POLD1: variants seen among roughly 807,000 people sequenced by gnomAD.
The protein encoded by POLD1 is DNA polymerase delta 1, catalytic subunit, also known as DNA polymerase delta catalytic subunit.
POLD1 carries 79 observed loss-of-function variants against 129.7 expected under a neutral mutation model. The observed-to-expected ratio is 0.61, with a 90% CI of 0.51 to 0.73. The LOEUF (loss-of-function observed/expected upper bound fraction) is 0.73. Ranked by LOEUF, POLD1 falls within the 30% of genes least tolerant of loss-of-function variation. The pLI is 0.00. For missense variants in POLD1, 1,338 were observed against 1,595.8 expected, an observed-to-expected ratio of 0.84 and a Z score of 2.75; for synonymous variants, 714 against 683.3, an observed-to-expected ratio of 1.04 and a Z score of -0.70.
At chr19:50,413,630 C>G (rs568695919) in intron 18 of POLD1, 109 bp downstream of exon 18, 5 of 1,531,364 alleles carry the variant, frequency 3.3e-6, no homozygotes, top group African/African-American at 2.7e-5. Flanking sequence ...CCTGCCCACT[C>G]TCCTGTTGCA....
chr19:50,388,488 C>A (rs545227689), intron 1 of POLD1, among the ~76,000 whole-genome samples: 2 of 151,616 alleles, frequency 1.3e-5, no homozygotes, highest in African/African-American at 4.9e-5. Flanking sequence ...CCCTGCATTA[C>A]AATAAAAAAG....
At chr19:50,413,617 C>T (rs1026022026) in intron 18 of POLD1, 96 bp downstream of exon 18, 25 of 1,524,460 alleles carry the variant, frequency 1.6e-5, no homozygotes, top group African/African-American at 2.7e-5. Flanking sequence ...CTCCTGGTCA[C>T]ACCCTGCCCA....
Position 50,391,616 on chromosome 19 carries a change from A to G in POLD1, c.-2+7226A>G, listed in dbSNP as rs1403516295. On this transcript the variant is annotated intron_variant, in intron 1 of 26. Transcript: ENST00000440232. ...GCAGGCTGAGGCAGGAGAATCAGGC[A>G]GGGAGGTTGCCGTGAGCCGAGATGG... Among the ~76,000 whole-genome samples, 3 of 136,872 alleles carry G rather than the reference A, an allele frequency of 2.2e-5. No individual in the cohort carries two copies. The South Asian group carries it at 7.3e-4, about 33-fold the overall frequency. 89.8% of individuals were successfully genotyped at this position (136,872 alleles called of 152,430 possible). A position where few individuals can be genotyped will look rare whatever the true frequency, so the allele number is the denominator to read the frequency against.
At chr19:50,408,177 A>C (rs1416203620) in intron 14 of POLD1, among the ~76,000 whole-genome samples, 1 of 151,668 alleles carries the variant, frequency 6.6e-6, no homozygotes, top group Non-Finnish European at 1.5e-5. Flanking sequence ...TCTACTAAAA[A>C]TACAGAAATT....
intron 26 of POLD1, 70 bp downstream of exon 26, chr19:50,417,339 C>A: frequency 2.0e-6 from 2 of 1,016,612 alleles, no homozygotes; most frequent in Non-Finnish European, 2.9e-6. Flanking sequence ...GTTGTGGACC[C>A]AACCTCTGAC....
At chr19:50,388,076 C>A (rs1448442356) in intron 1 of POLD1, among the ~76,000 whole-genome samples, 2 of 152,222 alleles carry the variant, frequency 1.3e-5, no homozygotes, top group Non-Finnish European at 2.9e-5. Flanking sequence ...ACACAAGAGG[C>A]TGCATATTCC....
intron 1 of POLD1, among the ~76,000 whole-genome samples, chr19:50,394,377 C>T (rs915147183): frequency 7.9e-5 from 12 of 152,104 alleles, no homozygotes; most frequent in African/African-American, 2.7e-4. Flanking sequence ...CAAAGCCGGG[C>T]GCGGTGGCTC....
At chr19:50,404,383 C>T (rs1047425373) in intron 10 of POLD1, among the ~76,000 whole-genome samples, 1 of 149,146 alleles carries the variant, frequency 6.7e-6, no homozygotes, top group Non-Finnish European at 1.5e-5. Context: ...CTGCCTCAGC[C>T]TCCCAAGTAG....
Position 50,398,906 on chromosome 19 carries a change from C to G in POLD1, c.55C>G (p.Arg19Gly). 3 of 1,600,818 alleles carry G rather than the reference C, an allele frequency of 1.9e-6. No homozygotes were observed. The highest frequency in any genetic ancestry group is 2.6e-6 in the Non-Finnish European group (3 of 1,175,122). Reference sequence around the variant, plus strand: ...GCCCGGGGTGCCCCCAAAGCGGGCCCGTGGGGGCCTCTGGGATGATGATGA... The same window carrying G: ...GCCCGGGGTGCCCCCAAAGCGGGCCGGTGGGGGCCTCTGGGATGATGATGA... ...PGPGVPPKRA[R>G]GGLWDDDDAP... Residue 19 changes from arginine (R) to glycine (G), a missense_variant, in exon 2 of 27, where the codon CGT becomes GGT. Around this residue, in one of 3 missense-constraint regions of POLD1, gnomAD observed 332 missense variants for 315.7 expected, o/e 1.05. Coordinates refer to ENST00000440232, the MANE Select transcript of POLD1 (RefSeq NM_002691.4).
Position 50,406,240 on chromosome 19 carries a change from C to T in POLD1, c.1301C>T (p.Ser434Phe), listed in dbSNP as rs1060501845. Residue 434 changes from serine to phenylalanine, a missense_variant, in exon 11 of 27, where the codon TCT (serine) becomes TTT (phenylalanine). Physicochemically the swap from Ser to Phe is radical, Grantham distance 155 (BLOSUM62 -2). This residue lies in a region of POLD1 where 720 missense variants were observed against 1,002.6 expected (regional missense o/e 0.72). Transcript: ENST00000440232. This position sits in a 1 kb window ranked among gnomAD's most constrained non-coding sequence, Gnocchi z 5.5. ...GGCCTTTGCTCCAACATCCGGGACT[C>T]TTCATTCCAGTCCAAGCAGACGGGC... is the stretch of plus-strand genomic sequence containing the variant. ...VAGLCSNIRDSSFQSKQTGRR... is the reference protein window; with the variant it reads ...VAGLCSNIRDFSFQSKQTGRR... The T allele has an allele frequency of 6.2e-7, 1 of 1,614,030 alleles. No homozygotes were observed.
intron 1 of POLD1, among the ~76,000 whole-genome samples, chr19:50,391,683 T>C (rs192979538): frequency 0.08 from 6,842 of 85,220 alleles, 585 homozygotes; most frequent in African/African-American, 0.25. Flanking sequence ...AGAGGGAGAC[T>C]GAGAGGGGGG....
chr19:50,410,689 C>G (rs2122404788), intron 17 of POLD1, among the ~76,000 whole-genome samples: 1 of 152,292 alleles, frequency 6.6e-6, no homozygotes, highest in South Asian at 2.1e-4. Flanking sequence ...CAGGCTGGCC[C>G]TCCTTCCTCC....
rs1402598316 is a variant in POLD1 at position 50,398,891 on chromosome 19, C to T, written c.40C>T (p.Pro14Ser). The change falls in exon 2 of 27, where the codon CCC becomes TCC. Residue 14 changes from proline (P) to serine (S), a missense_variant. By Grantham distance (74) the Pro-to-Ser change is moderately conservative. Coordinates refer to ENST00000440232, the MANE Select transcript of POLD1 (RefSeq NM_002691.4). ...KRRPGPGPGVPPKRARGGLWD... is the reference protein window; with the variant it reads ...KRRPGPGPGVSPKRARGGLWD... ...GCGGCCAGGCCCAGGGCCCGGGGTG[C>T]CCCCAAAGCGGGCCCGTGGGGGCCT... 16 of 1,605,632 alleles carry T rather than the reference C, an allele frequency of 1.0e-5. No individual in the cohort carries two copies. Among genetic ancestry groups the T allele is most frequent in the Non-Finnish European group, 1.3e-5 (15 of 1,177,496 alleles).
rs771819177 is a variant in POLD1, at chr19:50,417,949, C to T, written c.*2C>T. 2 of 1,588,696 alleles carry T rather than the reference C, an allele frequency of 1.3e-6. No homozygotes were observed. Among genetic ancestry groups the T allele is most frequent in the Admixed American group, 1.7e-5 (1 of 59,008 alleles). ...CCCCCTGGACCTGAGGCCTGGTGAC[C>T]TTGCAAGCATCCCATGGGGCGGGGG... On this transcript the variant is annotated 3_prime_UTR_variant, in exon 27 of 27. Coordinates refer to ENST00000440232, the MANE Select transcript of POLD1 (RefSeq NM_002691.4).
Position 50,409,031 on chromosome 19 carries a change from C to A in POLD1, c.1893-91C>A. The A allele has an allele frequency of 7.6e-7, 1 of 1,313,250 alleles. No homozygotes were observed. The allele number at this position is 1,313,250 out of a possible 1,614,324, so 81.3% of individuals were successfully genotyped here. ...AGTGGAGGGGTGCTTGAGGGGCCTG[C>A]GTGTGCTCATGGCCAAGGCCAGGAC... On this transcript the variant is annotated intron_variant, in intron 15 of 26. Transcript: ENST00000440232. This position sits in a 1 kb window ranked among gnomAD's most constrained non-coding sequence, Gnocchi z 5.8.
rs2122258243 is a variant in POLD1 at position 50,402,679 on chromosome 19, C to T, written c.908C>T (p.Pro303Leu). ...SDVVSHPPEG[P>L]WQRIAPLRVL... is the part of the protein sequence containing the mutation. ...GTGGTCAGTCACCCACCGGAAGGGCCATGGCAGCGCATTGCGCCCTTGCGC... is the reference window on the plus strand; with the variant it reads ...GTGGTCAGTCACCCACCGGAAGGGCTATGGCAGCGCATTGCGCCCTTGCGC... The change falls in exon 8 of 27, where the codon CCA becomes CTA. Residue 303 changes from proline to leucine, a missense_variant. Physicochemically the swap from Pro to Leu is moderately conservative, Grantham distance 98 (BLOSUM62 -3). This residue lies in a region of POLD1 where 720 missense variants were observed against 1,002.6 expected (regional missense o/e 0.72). Coordinates refer to ENST00000440232, the MANE Select transcript of POLD1 (RefSeq NM_002691.4). The T allele has an allele frequency of 6.2e-7, 1 of 1,600,994 alleles. No individual in the cohort carries two copies. Among genetic ancestry groups the T allele is most frequent in the Non-Finnish European group, 8.5e-7 (1 of 1,172,808 alleles).
At position 50,407,769 on chromosome 19, in the gene POLD1, G is replaced by A. The variant is rs113692839; in HGVS notation, c.1775+354G>A. Reference sequence around the variant, plus strand: ...TTTTTGCATTTTTAGTAGGGACGGGGTTTCACCGTGTTAGCCAGGATGGTC... The same window carrying A: ...TTTTTGCATTTTTAGTAGGGACGGGATTTCACCGTGTTAGCCAGGATGGTC... On this transcript the variant is annotated intron_variant, in intron 14 of 26. Transcript: ENST00000440232. Among the ~76,000 whole-genome samples the A allele has an allele frequency of 6.6e-3, 961 of 146,584 alleles. 13 individuals carry two copies. Among genetic ancestry groups the A allele is most frequent in the African/African-American group, 0.024 (928 of 39,312 alleles).
At chr19:50,416,850 C>A in intron 24 of POLD1, 127 bp downstream of exon 24, 1 of 934,150 alleles carries the variant, frequency 1.1e-6, no homozygotes, top group Non-Finnish European at 1.6e-6. Flanking sequence ...GGGTGGGTGG[C>A]CCCTGTCTCC....
chr19:50,407,179 G>GTAGCCGAGACTTGTCC lies in POLD1; in HGVS notation c.1686+7_1686+22dup. The GTAGCCGAGACTTGTCC allele has an allele frequency of 6.3e-7, 1 of 1,596,964 alleles. No homozygotes were observed. Among genetic ancestry groups the GTAGCCGAGACTTGTCC allele is most frequent in the Non-Finnish European group, 8.6e-7 (1 of 1,168,106 alleles). On this transcript the variant is annotated splice_donor_region_variant and intron_variant, in intron 13 of 26. Coordinates refer to ENST00000440232, the MANE Select transcript of POLD1 (RefSeq NM_002691.4). ...GTATCCCAGCTGTTGCGGCAGGTCA[G>GTAGCCGAGACTTGTCC]TAGCCGAGACTTGTCCTCGCCACCC...
Sources: allele counts gnomAD v4.1 joint callset (sites outside exome capture counted in the v4.1 genomes callset), GRCh38; gene constraint gnomAD v4.1.1; regional missense constraint gnomAD v4.1.1; non-coding constraint Gnocchi (gnomAD v3.1); transcripts MANE v1.5; gene names NCBI Gene and HGNC (gene_info 2026-07-23, HGNC 2026-07-21).